ROBO2: variants seen among roughly 807,000 people sequenced by gnomAD.
ROBO2 encodes the protein roundabout homolog 2.
ROBO2 carries 53 observed loss-of-function variants against 160.8 expected under a neutral mutation model. The observed-to-expected ratio is 0.33, with a 90% CI of 0.26 to 0.41. ROBO2 has a LOEUF of 0.41. Among genes scored for constraint, ROBO2 ranks in the 10% least tolerant of loss-of-function variants. The probability of loss-of-function intolerance (pLI) is 1.00; values close to 1 mark genes in which losing one functional copy is unlikely to be tolerated. For synonymous variants in ROBO2, 664 were observed against 611.7 expected (o/e 1.09, Z -1.26); for missense variants, 1,577 against 1,722.4 (o/e 0.92, Z 1.49).
chr3:76,345,098 G>T (rs1378172725), intron 2 of ROBO2, among the ~76,000 whole-genome samples: 1 of 152,072 alleles, frequency 6.6e-6, no homozygotes, highest in African/African-American at 2.4e-5. Flanking sequence ...GAATATGACA[G>T]AAGTCAGAGA....
chr3:77,218,376 C>CT (rs199847608), intron 2 of ROBO2, among the ~76,000 whole-genome samples: 10,284 of 140,190 alleles, frequency 0.073, 632 homozygotes, highest in East Asian at 0.34. Context: ...TGAAATTATA[C>CT]TTTTTTTTTT....
At chr3:77,379,234 C>A (rs2073117759) in intron 2 of ROBO2, among the ~76,000 whole-genome samples, 1 of 152,214 alleles carries the variant, frequency 6.6e-6, no homozygotes, top group Admixed American at 6.5e-5. Flanking sequence ...GCGTGAGCCA[C>A]AACGCCCAGC....
chr3:77,530,629 T>C lies in ROBO2; in HGVS notation c.934+7727T>C, dbSNP rs116564226. 9.1e-3 allele frequency among the ~76,000 whole-genome samples: 1,388 copies of C among 152,122 alleles called. 23 individuals are homozygous for C. Among genetic ancestry groups the C allele is most frequent in the African/African-American group, 0.032 (1,321 of 41,540 alleles). On this transcript the variant is annotated intron_variant, in intron 6 of 25. Transcript: ENST00000461745. The stretch of plus-strand genomic sequence containing the variant: ...ACAGATTTCACTTGCTCATCTGCAG[T>C]GTCACCAGTGGGTCAGAAAGAGCTC...
Position 77,155,014 on chromosome 3 carries a change from T to G in ROBO2, c.388+56674T>G, listed in dbSNP as rs574925108. Among the ~76,000 whole-genome samples the G allele has an allele frequency of 8.2e-4, 124 of 151,830 alleles. 1 individual carries two copies. The highest frequency in any genetic ancestry group is 3.9e-3 in the Admixed American group (59 of 15,202). On this transcript the variant is annotated intron_variant, in intron 2 of 25. Transcript: ENST00000461745. ...AACCTGCACGTATACTCCCTGAAAC[T>G]AAAAGTTCAAAAATAAATATTCATT...
chr3:76,388,722 G>T (rs1576860078), intron 2 of ROBO2, among the ~76,000 whole-genome samples: 1 of 151,680 alleles, frequency 6.6e-6, no homozygotes, highest in Non-Finnish European at 1.5e-5. Context: ...AATGTTAATT[G>T]ATAACTCTAT....
chr3:75,997,045 A>T (rs923119285), intron 2 of ROBO2, among the ~76,000 whole-genome samples: 1 of 152,192 alleles, frequency 6.6e-6, no homozygotes, highest in Non-Finnish European at 1.5e-5. Flanking sequence ...TGATCTAATT[A>T]TGTCATTTCT....
intron 2 of ROBO2, among the ~76,000 whole-genome samples, chr3:76,069,776 G>C (rs757572342): frequency 6.6e-6 from 1 of 152,150 alleles, no homozygotes; most frequent in East Asian, 1.9e-4. Context: ...TAAACTCAGA[G>C]AGAAGAGGTG....
chr3:76,281,451 T>G (rs997734314), intron 2 of ROBO2, among the ~76,000 whole-genome samples: 19 of 152,080 alleles, frequency 1.2e-4, no homozygotes, highest in African/African-American at 4.3e-4. Flanking sequence ...ACTTATAGAG[T>G]TGGAAAACAT....
chr3:77,189,742 A>G (rs906739093), intron 2 of ROBO2, among the ~76,000 whole-genome samples: 1 of 151,926 alleles, frequency 6.6e-6, no homozygotes, highest in Admixed American at 6.6e-5. Flanking sequence ...ATAGAACAGC[A>G]ATGTATCTGT....
chr3:76,022,403 C>G (rs2066598939), intron 2 of ROBO2, among the ~76,000 whole-genome samples: 1 of 151,774 alleles, frequency 6.6e-6, no homozygotes, highest in South Asian at 2.1e-4. Flanking sequence ...TTACTTTACC[C>G]AGATTCATCA....
At chr3:76,601,439 A>G (rs2087133736) in intron 2 of ROBO2, among the ~76,000 whole-genome samples, 3 of 152,130 alleles carry the variant, frequency 2.0e-5, no homozygotes, top group Non-Finnish European at 4.4e-5. Flanking sequence ...AGGCATTTCC[A>G]TACAATTTTT....
chr3:77,317,536 C>T, intron 2 of ROBO2: 1 of 1,395,864 alleles, frequency 7.2e-7, no homozygotes, highest in South Asian at 1.2e-5. Context: ...TTTATTAAGC[C>T]AATCCATAGC....
intron 2 of ROBO2, among the ~76,000 whole-genome samples, chr3:76,419,762 A>G (rs1012840530): frequency 6.6e-6 from 1 of 152,158 alleles, no homozygotes; most frequent in African/African-American, 2.4e-5. Context: ...AATGGGAATC[A>G]TGTAGCTGAA....
At chr3:77,407,483 G>A (rs2076346305) in intron 2 of ROBO2, among the ~76,000 whole-genome samples, 1 of 152,194 alleles carries the variant, frequency 6.6e-6, no homozygotes, top group Non-Finnish European at 1.5e-5. Context: ...TACAACATGT[G>A]TCCATCATTT....
intron 2 of ROBO2, among the ~76,000 whole-genome samples, chr3:77,102,529 T>C (rs542269416): frequency 1.3e-5 from 2 of 152,326 alleles, no homozygotes; most frequent in East Asian, 3.9e-4. Context: ...TGTCACAACT[T>C]TTATCATAAA....
chr3:77,169,456 C>T (rs1227872307), intron 2 of ROBO2, among the ~76,000 whole-genome samples: 2 of 152,168 alleles, frequency 1.3e-5, no homozygotes, highest in Non-Finnish European at 2.9e-5. Flanking sequence ...TTGTGAATCA[C>T]ACTTACCAGG....
At chr3:77,442,140 A>G (rs1033875521) in intron 2 of ROBO2, among the ~76,000 whole-genome samples, 9 of 152,026 alleles carry the variant, frequency 5.9e-5, no homozygotes, top group Admixed American at 1.3e-4. Context: ...GTGAAGCCCC[A>G]TCTCTACTAA....
At chr3:76,343,979 T>C (rs1443217286) in intron 2 of ROBO2, among the ~76,000 whole-genome samples, 1 of 152,106 alleles carries the variant, frequency 6.6e-6, no homozygotes, top group Non-Finnish European at 1.5e-5. Context: ...TTGATATACC[T>C]TGAATCTATC....
chr3:77,266,667 T>C (rs867672565), intron 2 of ROBO2, among the ~76,000 whole-genome samples: 1 of 152,178 alleles, frequency 6.6e-6, no homozygotes. Flanking sequence ...CCTGATCTAC[T>C]AATTCTTGCG....
Sources: gnomAD v4.1 joint callset for allele counts (sites outside exome capture counted in the v4.1 genomes callset) on GRCh38, gnomAD v4.1.1 for gene constraint, MANE v1.5 for transcripts, NCBI Gene and HGNC (gene_info 2026-07-23, HGNC 2026-07-21) for gene names.